The following THUMPD2 variants were observed in gnomAD, a reference collection of about 807,000 sequenced individuals.
THUMPD2 encodes THUMP domain 2 tRNA and snRNA guanosine methyltransferase.
THUMPD2 carries 56 observed loss-of-function variants against 49.4 expected under a neutral mutation model. The observed-to-expected ratio is 1.13, with a 90% CI of 0.91 to 1.41. The LOEUF (loss-of-function observed/expected upper bound fraction) is 1.41. Among genes scored for constraint, THUMPD2 ranks in the 40% most tolerant of loss-of-function variants. THUMPD2 has a pLI of 0.00. For synonymous variants in THUMPD2, 237 were observed against 205.2 expected (o/e 1.15, Z -1.32); for missense variants, 709 against 594.5 (o/e 1.19, Z -2.00).
intron 1 of THUMPD2, among the ~76,000 whole-genome samples, chr2:39,776,938 C>A (rs1679190051): frequency 6.6e-6 from 1 of 152,190 alleles, no homozygotes; most frequent in Admixed American, 6.5e-5. Context: ...TTCTTATGTT[C>A]ATGAAAATTG....
upstream of THUMPD2, chr2:39,779,262 GC>G: frequency 6.8e-7 from 1 of 1,472,436 alleles, no homozygotes; most frequent in Non-Finnish European, 8.9e-7. Flanking sequence ...GCGCCCTCGC[GC>G]CTTCGGGTCA....
intron 8 of THUMPD2, among the ~76,000 whole-genome samples, chr2:39,753,932 C>A (rs1447824703): frequency 6.6e-6 from 1 of 152,120 alleles, no homozygotes; most frequent in Non-Finnish European, 1.5e-5. Flanking sequence ...ATGCAGTTAC[C>A]TGGTACCACA....
intron 6 of THUMPD2, among the ~76,000 whole-genome samples, chr2:39,760,870 A>G (rs1268166930): frequency 1.3e-5 from 2 of 152,314 alleles, no homozygotes; most frequent in East Asian, 3.9e-4. Flanking sequence ...AAACTTAAAA[A>G]AATACAATAT....
chr2:39,774,802 G>GT (rs529677762), intron 1 of THUMPD2, among the ~76,000 whole-genome samples: 2 of 151,596 alleles, frequency 1.3e-5, no homozygotes, highest in African/African-American at 2.4e-5. Flanking sequence ...TATACAATCT[G>GT]TTTTTTTCTA....
intron 3 of THUMPD2, chr2:39,768,861 A>G (rs575462596): frequency 8.0e-7 from 1 of 1,256,670 alleles, no homozygotes; most frequent in African/African-American, 1.5e-5. Flanking sequence ...CTATAAGCCT[A>G]TGTGTTTAAA....
chr2:39,754,725 C>G (rs1675867202), intron 8 of THUMPD2, among the ~76,000 whole-genome samples: 1 of 152,198 alleles, frequency 6.6e-6, no homozygotes, highest in Admixed American at 6.5e-5. Flanking sequence ...TGTGTCACTG[C>G]TGATTCCCCT....
intron 1 of THUMPD2, among the ~76,000 whole-genome samples, chr2:39,773,678 C>G (rs192749361): frequency 5.4e-5 from 8 of 148,946 alleles, no homozygotes; most frequent in Admixed American, 1.3e-4. Flanking sequence ...AAAAAGAACA[C>G]GACTATTAAG....
intron 8 of THUMPD2, among the ~76,000 whole-genome samples, chr2:39,748,487 G>A (rs545711119): frequency 6.6e-6 from 1 of 151,912 alleles, no homozygotes; most frequent in Admixed American, 6.5e-5. Context: ...TGGATCATGA[G>A]GTCAAGAGAT....
chr2:39,778,696 C>G (rs574904067), intron 1 of THUMPD2, among the ~76,000 whole-genome samples: 3 of 152,200 alleles, frequency 2.0e-5, no homozygotes, highest in South Asian at 4.1e-4. Context: ...ATTCTCACAA[C>G]AATCCTATGT....
intron 5 of THUMPD2, among the ~76,000 whole-genome samples, chr2:39,761,837 A>G (rs1676863235): frequency 6.6e-6 from 1 of 152,098 alleles, no homozygotes; most frequent in African/African-American, 2.4e-5. Context: ...TAACCCTTAA[A>G]ATCTGTTTTC....
At chr2:39,760,594 C>T (rs531706563) in intron 6 of THUMPD2, among the ~76,000 whole-genome samples, 2 of 151,734 alleles carry the variant, frequency 1.3e-5, no homozygotes, top group South Asian at 4.2e-4. Flanking sequence ...AAAGAGAGAC[C>T]ATCAGAGTGG....
At chr2:39,766,656 T>C (rs980056761) in intron 4 of THUMPD2, among the ~76,000 whole-genome samples, 2 of 152,230 alleles carry the variant, frequency 1.3e-5, no homozygotes, top group African/African-American at 2.4e-5. Context: ...TTATAATTAG[T>C]AGCCAACATA....
intron 9 of THUMPD2, among the ~76,000 whole-genome samples, chr2:39,739,265 T>C (rs1673570002): frequency 6.6e-6 from 1 of 152,176 alleles, no homozygotes; most frequent in Middle Eastern, 3.2e-3. Flanking sequence ...CCTACCTTTT[T>C]GATGTCACTG....
At position 39,744,001 on chromosome 2, in the gene THUMPD2, T is replaced by A. The variant is rs575844066; in HGVS notation, c.1187+369A>T. 1.6e-4 allele frequency among the ~76,000 whole-genome samples: 25 copies of A among 151,970 alleles called. No homozygotes were observed. The South Asian group carries it at 5.0e-3, about 30-fold the overall frequency. ...AAGTTAATCTTTCTGTGCCCCAGAT[T>A]CTCATCTGTTAAGTGTGGGGGATTA... On this transcript the variant is annotated intron_variant, in intron 9 of 9. Transcript: ENST00000505747.
chr2:39,758,926 GA>G (rs1676471263), intron 6 of THUMPD2, among the ~76,000 whole-genome samples: 2 of 152,238 alleles, frequency 1.3e-5, no homozygotes, highest in South Asian at 4.1e-4. Context: ...AGCTTTCAGA[GA>G]TACTCAAATG....
intron 1 of THUMPD2, among the ~76,000 whole-genome samples, chr2:39,773,318 G>C (rs1678585806): frequency 6.6e-6 from 1 of 151,864 alleles, no homozygotes; most frequent in Non-Finnish European, 1.5e-5. Flanking sequence ...TAAGATTCTG[G>C]GGGAACGAAC....
chr2:39,751,816 G>A (rs550276113), intron 8 of THUMPD2, among the ~76,000 whole-genome samples: 61 of 151,336 alleles, frequency 4.0e-4, no homozygotes, highest in African/African-American at 1.4e-3. Flanking sequence ...TCCCAAGTAG[G>A]TGGGACTACA....
At chr2:39,747,774 C>T (rs1207618936) in intron 8 of THUMPD2, among the ~76,000 whole-genome samples, 1 of 152,074 alleles carries the variant, frequency 6.6e-6, no homozygotes, top group Non-Finnish European at 1.5e-5. Flanking sequence ...ATATTTCAGC[C>T]TTCCAGTTCA....
intron 3 of THUMPD2, 73 bp from the exon 4 acceptor site, chr2:39,768,574 C>G (rs774053783): frequency 2.8e-5 from 34 of 1,194,722 alleles, no homozygotes; most frequent in African/African-American, 1.4e-4. Context: ...GCAAAACTAA[C>G]AGAGTAGCCT....
Sources: gnomAD v4.1 joint callset for allele counts (sites outside exome capture counted in the v4.1 genomes callset) on GRCh38, gnomAD v4.1.1 for gene constraint, MANE v1.5 for transcripts, NCBI Gene and HGNC (gene_info 2026-07-23, HGNC 2026-07-21) for gene names.